Variants in PLD4 observed in about 807,000 individuals in gnomAD.
PLD4 encodes phospholipase D family member 4.
Under a neutral mutation model 52.3 loss-of-function variants are expected in PLD4, and 54 were observed. That is an observed-to-expected ratio of 1.03 (90% CI 0.83 to 1.30). The LOEUF (loss-of-function observed/expected upper bound fraction) is 1.30. Among genes scored for constraint, PLD4 ranks in the 50% most tolerant of loss-of-function variants. The pLI is 0.00. For synonymous variants in PLD4, 264 were observed against 286.5 expected (o/e 0.92, Z 0.79); for missense variants, 731 against 671.1 (o/e 1.09, Z -0.99).
At chr14:104,926,471 G>A (rs1299650372) in intron 1 of PLD4, among the ~76,000 whole-genome samples, 2 of 152,166 alleles carry the variant, frequency 1.3e-5, no homozygotes. Context: ...GAGATAAGGC[G>A]AGTCCCTGCA....
rs1897491472 is a variant in PLD4, at chr14:104,927,362, GGAAGCCTCCCTGGGCTGCTCCAGACCTT to G, written c.90+133_90+160del. 3.9e-5 allele frequency: 34 copies of G among 861,804 alleles called. 1 individual carries two copies. The South Asian group carries it at 6.3e-4, about 16-fold the overall frequency. 53.4% of individuals were successfully genotyped at this position (861,804 alleles called of 1,614,324 possible). ...AGAGGTGCCCTGACTGGTGGGCAAG[GGAAGCCTCCCTGGGCTGCTCCAGACCTT>G]CCCTTTATGCCCCTGCTGGAGGTGC... is the stretch of plus-strand genomic sequence containing the variant. On this transcript the variant is annotated intron_variant, in intron 2 of 10. Coordinates refer to ENST00000392593, the MANE Select transcript of PLD4 (RefSeq NM_138790.5).
At chr14:104,926,261 A>G (rs1897452245) in intron 1 of PLD4, among the ~76,000 whole-genome samples, 1 of 152,198 alleles carries the variant, frequency 6.6e-6, no homozygotes, top group African/African-American at 2.4e-5. Context: ...GAGGCTGGCC[A>G]GCCAGGTGAC....
chr14:104,930,719 G>A (rs1335395807), intron 6 of PLD4, 23 bp from the exon 7 acceptor site: 2 of 1,612,636 alleles, frequency 1.2e-6, no homozygotes. Flanking sequence ...TTCTCCCACA[G>A]CGCCTGACTT....
At position 104,930,886 on chromosome 14, in the gene PLD4, C is replaced by T. The variant is rs377513739; in HGVS notation, c.862C>T (p.Arg288Cys). ...WPQNFSSHFN[R>C]FQPFHGLFDG... The stretch of plus-strand genomic sequence containing the variant: ...TCAGAACTTCTCATCTCACTTCAAC[C>T]GTTTCCAGCCCTTCCACGGCCTCTT... Residue 288 changes from arginine to cysteine, a missense_variant, in exon 7 of 11, where the codon CGT becomes TGT. By Grantham distance (180) the Arg-to-Cys change is radical (BLOSUM62 -3). Coordinates refer to ENST00000392593, the MANE Select transcript of PLD4 (RefSeq NM_138790.5). 43 of 1,613,450 alleles carry T rather than the reference C, an allele frequency of 2.7e-5. No homozygotes were observed. The highest frequency in any genetic ancestry group is 1.5e-4 in the South Asian group (14 of 91,084).
chr14:104,933,832 G>A (rs1897744254), downstream of PLD4: 1 of 19,628 alleles, frequency 5.1e-5, no homozygotes, highest in Non-Finnish European at 9.3e-5. Context: ...GGGGACCCGC[G>A]GCTGAGGGGA....
At position 104,930,027 on chromosome 14, in the gene PLD4, G is replaced by C. The variant is rs757631521; in HGVS notation, c.639G>C (p.Leu213Phe). ...VPMGRLTRGV[L>F]HSKFWVVDGR... ...TGGGGCGGCTCACCAGGGGTGTTTT[G>C]CACTCCAAATTCTGGGTTGTGGATG... is the stretch of plus-strand genomic sequence containing the variant. The change falls in exon 6 of 11, where the codon TTG becomes TTC. Residue 213 changes from leucine (L) to phenylalanine (F), a missense_variant. Transcript: ENST00000392593. The C allele has an allele frequency of 6.2e-7, 1 of 1,613,552 alleles. No individual in the cohort carries two copies. The highest frequency in any genetic ancestry group is 1.3e-5 in the African/African-American group (1 of 74,928).
chr14:104,932,239 G>A lies in PLD4; in HGVS notation c.1225-20G>A, dbSNP rs1897678420. The A allele has an allele frequency of 6.2e-7, 1 of 1,612,356 alleles. No homozygotes were observed. On this transcript the variant is annotated intron_variant, in intron 9 of 10. Coordinates refer to ENST00000392593, the MANE Select transcript of PLD4 (RefSeq NM_138790.5). This position sits in a 1 kb window ranked among gnomAD's most constrained non-coding sequence, Gnocchi z 6.5. The stretch of plus-strand genomic sequence containing the variant: ...GCCCTCCTGCCGCCCTTCCTGACGC[G>A]CTGCCTCTGCTCCCCTAAGAAAGTC...
downstream of PLD4, chr14:104,935,899 C>T (rs549727511): frequency 1.3e-5 from 2 of 152,198 alleles, 1 homozygote; most frequent in Non-Finnish European, 2.9e-5. Context: ...GAGACCACAG[C>T]CCCAGCTGAC....
intron 3 of PLD4, among the ~76,000 whole-genome samples, chr14:104,928,400 C>T (rs980594718): frequency 1.3e-5 from 2 of 152,240 alleles, no homozygotes; most frequent in Non-Finnish European, 2.9e-5. Flanking sequence ...CTCTGCTCTA[C>T]TCTGCCCGGC....
In PLD4 at chr14:104,932,330, G is replaced by C; in HGVS notation, c.1296G>C (p.Met432Ile). 6.2e-7 allele frequency: 1 copy of C among 1,612,724 alleles called. No homozygotes were observed. The highest frequency in any genetic ancestry group is 1.1e-5 in the South Asian group (1 of 91,072). Reference sequence around the variant, plus strand: ...GCAGGGTGAACCACAGCAAGTTCATGGTCACGGAGAAGGCAGCCTACATAG... The same window carrying C: ...GCAGGGTGAACCACAGCAAGTTCATCGTCACGGAGAAGGCAGCCTACATAG... ...PFSRVNHSKF[M>I]VTEKAAYIGT... Residue 432 changes from methionine to isoleucine, a missense_variant, in exon 10 of 11, where the codon ATG becomes ATC. Physicochemically the swap from Met to Ile is conservative, Grantham distance 10. Coordinates refer to ENST00000392593, the MANE Select transcript of PLD4 (RefSeq NM_138790.5). The surrounding 1 kb of genome is among the most constrained non-coding windows in gnomAD (Gnocchi z 6.5).
intron 6 of PLD4, 37 bp from the exon 7 acceptor site, chr14:104,930,705 G>A (rs1323838921): frequency 1.2e-6 from 2 of 1,610,356 alleles, no homozygotes; most frequent in Admixed American, 3.3e-5. Context: ...CCACAGAGGG[G>A]TTTTTCTCCC....
chr14:104,933,253 A>G (rs529984796), downstream of PLD4: 432 of 347,538 alleles, frequency 1.2e-3, 2 homozygotes, highest in African/African-American at 8.4e-3. Context: ...CCTCTGTGTG[A>G]GTCCCGCGCG....
At chr14:104,929,461 C>A in intron 5 of PLD4, 34 bp downstream of exon 5, 1 of 1,518,012 alleles carries the variant, frequency 6.6e-7, no homozygotes, top group Non-Finnish European at 8.9e-7. Flanking sequence ...CACCACTGCC[C>A]TAGCGTCGGG....
chr14:104,935,915 G>C (rs1897797552), downstream of PLD4: 1 of 152,200 alleles, frequency 6.6e-6, no homozygotes, highest in African/African-American at 2.4e-5. Context: ...CTGACATCTT[G>C]ATTGTAGCCT....
At chr14:104,934,690 C>CT (rs1595384595), downstream of PLD4, 1 of 152,198 alleles carries the variant, frequency 6.6e-6, no homozygotes, top group Admixed American at 6.5e-5. Context: ...CCCTTCTCTA[C>CT]TTTTTTCTTT....
intron 4 of PLD4, 94 bp downstream of exon 4, chr14:104,929,026 G>A: frequency 6.9e-7 from 1 of 1,441,470 alleles, no homozygotes; most frequent in Admixed American, 2.3e-5. Context: ...CCAGGCCCGG[G>A]GGCTCAGCTT....
chr14:104,937,047 A>G (rs1324237468), downstream of PLD4: 2 of 152,228 alleles, frequency 1.3e-5, no homozygotes, highest in African/African-American at 4.8e-5. Context: ...TCCCTGCCAC[A>G]CTGTGAACTC....
At chr14:104,928,660 T>C in intron 3 of PLD4, 89 bp from the exon 4 acceptor site, 1 of 1,366,542 alleles carries the variant, frequency 7.3e-7, no homozygotes, top group Non-Finnish European at 9.9e-7. Flanking sequence ...CAACGGTTGC[T>C]CTGGCTTGGC....
chr14:104,932,785 G>T lies in PLD4; in HGVS notation c.1342G>T (p.Asp448Tyr), dbSNP rs1203324496. Residue 448 changes from aspartate (D) to tyrosine (Y), a missense_variant, in exon 11 of 11, where the codon GAT becomes TAT. Coordinates refer to ENST00000392593, the MANE Select transcript of PLD4 (RefSeq NM_138790.5). The surrounding 1 kb of genome is among the most constrained non-coding windows in gnomAD (Gnocchi z 6.5). ...AYIGTSNWSE[D>Y]YFSSTAGVGL... The stretch of plus-strand genomic sequence containing the variant: ...CGCAGGCACCTCCAACTGGTCGGAG[G>T]ATTACTTCAGCAGCACGGCGGGGGT... 4 of 1,591,460 alleles carry T rather than the reference G, an allele frequency of 2.5e-6. No individual in the cohort carries two copies. The South Asian group carries it at 4.5e-5, about 18-fold the overall frequency.
Sources: allele counts gnomAD v4.1 joint callset (sites outside exome capture counted in the v4.1 genomes callset), GRCh38; gene constraint gnomAD v4.1.1; non-coding constraint Gnocchi (gnomAD v3.1); transcripts MANE v1.5; gene names NCBI Gene and HGNC (gene_info 2026-07-23, HGNC 2026-07-21).